The following SOX5 variants were observed in gnomAD, a reference collection of about 807,000 sequenced individuals.
SOX5 encodes the protein SRY-box transcription factor 5.
In SOX5, 9 loss-of-function variants were observed where a neutral mutation model predicts 92.0. The observed-to-expected ratio is 0.10, with a 90% CI of 0.06 to 0.17. SOX5 has a LOEUF of 0.17. SOX5 is among the 10% of genes least tolerant of loss of function. The probability of loss-of-function intolerance (pLI) is 1.00; values close to 1 mark genes in which losing one functional copy is unlikely to be tolerated. For missense variants in SOX5, 642 were observed against 944.5 expected (o/e 0.68, Z 4.20); for synonymous variants, 344 against 336.3 (o/e 1.02, Z -0.25).
chr12:23,859,455 C>G (rs1267425360), intron 2 of SOX5, among the ~76,000 whole-genome samples: 2 of 152,180 alleles, frequency 1.3e-5, no homozygotes, highest in Non-Finnish European at 2.9e-5. Context: ...CTGGTGAATT[C>G]TAGTCAGACC....
chr12:24,520,278 T>C (rs897819615), intron 1 of SOX5, among the ~76,000 whole-genome samples: 12 of 151,722 alleles, frequency 7.9e-5, no homozygotes, highest in African/African-American at 2.9e-4. Context: ...TACAGATAAA[T>C]GAAACACTCT....
chr12:23,741,146 T>C, intron 4 of SOX5, 107 bp from the exon 5 acceptor site: 1 of 748,802 alleles, frequency 1.3e-6, no homozygotes, highest in Non-Finnish European at 1.9e-6. Context: ...TAAAGTTCAA[T>C]AAACACAAAA....
intron 1 of SOX5, among the ~76,000 whole-genome samples, chr12:24,491,013 C>T (rs1472026049): frequency 6.6e-6 from 1 of 151,938 alleles, no homozygotes; most frequent in Non-Finnish European, 1.5e-5. Flanking sequence ...CAAAGCCAAG[C>T]AAGATAGACA....
chr12:23,856,760 T>C (rs2096695748), intron 2 of SOX5, among the ~76,000 whole-genome samples: 1 of 152,098 alleles, frequency 6.6e-6, no homozygotes, highest in Non-Finnish European at 1.5e-5. Flanking sequence ...ACAACTATAA[T>C]AAGTACTAAT....
At chr12:24,328,136 G>A (rs16927483) in intron 2 of SOX5, among the ~76,000 whole-genome samples, 4,222 of 152,200 alleles carry the variant, frequency 0.028, 163 homozygotes, top group African/African-American at 0.078. Context: ...CATGGTATTG[G>A]TGCCATTTAG....
intron 9 of SOX5, among the ~76,000 whole-genome samples, chr12:23,603,526 T>G (rs2074841381): frequency 6.7e-6 from 1 of 149,394 alleles, no homozygotes; most frequent in Admixed American, 6.7e-5. Flanking sequence ...AGAATCAAAT[T>G]ATTTGTGGTT....
intron 1 of SOX5, among the ~76,000 whole-genome samples, chr12:23,900,481 A>C (rs1177043135): frequency 2.0e-5 from 3 of 152,170 alleles, no homozygotes; most frequent in Non-Finnish European, 4.4e-5. Flanking sequence ...TGCAACAGAA[A>C]GATAAAGCAG....
At chr12:24,500,218 T>G (rs1024595136) in intron 1 of SOX5, among the ~76,000 whole-genome samples, 5 of 152,198 alleles carry the variant, frequency 3.3e-5, no homozygotes, top group Non-Finnish European at 7.3e-5. Context: ...TTCAAAATAA[T>G]CACATACATA....
At chr12:24,002,340 G>GA (rs1187070021) in intron 4 of SOX5, among the ~76,000 whole-genome samples, 3 of 151,554 alleles carry the variant, frequency 2.0e-5, no homozygotes, top group Non-Finnish European at 4.4e-5. Flanking sequence ...CAAAAAAAGT[G>GA]AAAAAAACCT....
chr12:24,384,139 C>T (rs1958121916), intron 1 of SOX5, among the ~76,000 whole-genome samples: 2 of 152,196 alleles, frequency 1.3e-5, no homozygotes, highest in Non-Finnish European at 1.5e-5. Flanking sequence ...AACCTCCTTC[C>T]TTTATAAATT....
intron 2 of SOX5, among the ~76,000 whole-genome samples, chr12:23,882,268 GATA>G (rs2097001560): frequency 6.6e-6 from 1 of 151,462 alleles, no homozygotes; most frequent in South Asian, 2.1e-4. Context: ...CAATAAACAC[GATA>G]ATAATAAATG....
intron 2 of SOX5, among the ~76,000 whole-genome samples, chr12:24,289,958 C>T (rs963676934): frequency 1.3e-5 from 2 of 152,206 alleles, no homozygotes; most frequent in African/African-American, 4.8e-5. Context: ...ACCAGACTCT[C>T]TTTCAATCAC....
At chr12:24,477,657 C>T (rs1483082082) in intron 1 of SOX5, among the ~76,000 whole-genome samples, 2 of 152,084 alleles carry the variant, frequency 1.3e-5, no homozygotes, top group Non-Finnish European at 2.9e-5. Flanking sequence ...AGGAAAGAGA[C>T]AAATCCCTCA....
chr12:24,126,943 C>T (rs960151795), intron 4 of SOX5, among the ~76,000 whole-genome samples: 1 of 152,160 alleles, frequency 6.6e-6, no homozygotes, highest in Admixed American at 6.5e-5. Flanking sequence ...TCTTAAAAGG[C>T]TTCTTAGGGA....
intron 2 of SOX5, among the ~76,000 whole-genome samples, chr12:24,309,018 T>C (rs1192759509): frequency 6.6e-6 from 1 of 152,232 alleles, no homozygotes; most frequent in African/African-American, 2.4e-5. Flanking sequence ...AGCAATGCTG[T>C]TAATATCCAG....
In SOX5 at chr12:24,321,201, C is replaced by A. The variant is rs149029259; in HGVS notation, c.-173-43889G>T. On this transcript the variant is annotated intron_variant, in intron 2 of 4. Coordinates refer to the SOX5 transcript ENST00000446891. ...TCTATGGATTAAAAATGTCTAAGAA[C>A]TCACTTCTGATATTTATACATGAGA... Among the ~76,000 whole-genome samples, 770 of 152,282 alleles carry A rather than the reference C, an allele frequency of 5.1e-3. 9 individuals are homozygous for A. Among genetic ancestry groups the A allele is most frequent in the Non-Finnish European group, 6.3e-3 (430 of 68,024 alleles).
intron 4 of SOX5, among the ~76,000 whole-genome samples, chr12:23,974,148 G>T (rs980350670): frequency 6.6e-6 from 1 of 151,976 alleles, no homozygotes; most frequent in Non-Finnish European, 1.5e-5. Context: ...AAACATATAC[G>T]AATGTAGTCT....
chr12:23,546,851 CAT>C (rs1213139583), intron 11 of SOX5, among the ~76,000 whole-genome samples: 2 of 152,146 alleles, frequency 1.3e-5, no homozygotes, highest in African/African-American at 4.8e-5. Flanking sequence ...ATAATAGAAA[CAT>C]AATTCACAGT....
rs995683863 is a variant in SOX5, at chr12:23,613,227, T to A, written c.1018-8694A>T. On this transcript the variant is annotated intron_variant, in intron 8 of 14. Coordinates refer to ENST00000451604, the MANE Select transcript of SOX5 (RefSeq NM_006940.6). ...AGTCAATGAACTGCCTAATTAAACA[T>A]GTTTCATTCTCCCGTCTTGACAAAC... Among the ~76,000 whole-genome samples, 3 of 152,058 alleles carry A rather than the reference T, an allele frequency of 2.0e-5. No individual in the cohort carries two copies. The East Asian group carries it at 5.8e-4, about 29-fold the overall frequency.
Sources: allele counts gnomAD v4.1 joint callset (sites outside exome capture counted in the v4.1 genomes callset), GRCh38; gene constraint gnomAD v4.1.1; transcripts MANE v1.5; gene names NCBI Gene and HGNC (gene_info 2026-07-23, HGNC 2026-07-21).